The following XYLB variants were observed in gnomAD, a reference collection of about 807,000 sequenced individuals.
XYLB encodes the protein xylulose kinase.
Under a neutral mutation model 78.7 loss-of-function variants are expected in XYLB, and 62 were observed. That is an observed-to-expected ratio of 0.79 (90% CI 0.64 to 0.97). The LOEUF (loss-of-function observed/expected upper bound fraction) is 0.97, where lower values mean the gene tolerates loss of function less well. Among genes scored for constraint, XYLB ranks in the 50% least tolerant of loss-of-function variants. The pLI is 0.00. For synonymous variants in XYLB, 245 were observed against 247.4 expected (o/e 0.99, Z 0.09); for missense variants, 687 against 676.8 (o/e 1.02, Z -0.17).
At chr3:38,382,827 G>T (rs1470761585) in intron 15 of XYLB, among the ~76,000 whole-genome samples, 1 of 152,344 alleles carries the variant, frequency 6.6e-6, no homozygotes, top group East Asian at 1.9e-4. Context: ...GGCATTTCTT[G>T]TGCAAAACAG....
intron 15 of XYLB, among the ~76,000 whole-genome samples, chr3:38,387,407 G>A (rs1234485311): frequency 1.3e-5 from 2 of 151,162 alleles, no homozygotes; most frequent in Non-Finnish European, 2.9e-5. Flanking sequence ...GTCTTGCTCT[G>A]TTGCCCAGGC....
chr3:38,428,572 T>G, the XYLB span, among the ~76,000 whole-genome samples: 3 of 152,238 alleles, frequency 2.0e-5, no homozygotes, highest in African/African-American at 7.2e-5. Flanking sequence ...AATGTTCCTC[T>G]TTTTCCCTGT....
chr3:38,360,358 G>A lies in XYLB; in HGVS notation c.160G>A (p.Val54Met). The A allele has an allele frequency of 6.2e-7, 1 of 1,613,908 alleles. No individual in the cohort carries two copies. Among genetic ancestry groups the A allele is most frequent in the Non-Finnish European group, 8.5e-7 (1 of 1,179,892 alleles). The change falls in exon 3 of 19, where the codon GTG (valine) becomes ATG (methionine). Residue 54 changes from valine to methionine, a missense_variant. Val to Met is a conservative substitution (Grantham distance 21). Coordinates refer to ENST00000207870, the MANE Select transcript of XYLB (RefSeq NM_005108.4). ...TTGCAGGACTCAGGGTGGTGTTCAT[G>A]TGCACAAGGATGGGCTGACGGTCAC... Reference protein sequence around the residue: ...PEFGTQGGVHVHKDGLTVTSP... With the variant: ...PEFGTQGGVHMHKDGLTVTSP...
Position 38,376,196 on chromosome 3 carries a change from C to T in XYLB, c.1084C>T (p.Leu362=), listed in dbSNP as rs1421750603. 6.2e-7 allele frequency: 1 copy of T among 1,614,036 alleles called. No individual in the cohort carries two copies. The highest frequency in any genetic ancestry group is 8.5e-7 in the Non-Finnish European group (1 of 1,179,882). Residue 362 remains leucine, a synonymous_variant, in exon 13 of 19, where the codon CTG becomes TTG. Transcript: ENST00000207870. ...SRSWSDFSKA[L]QSTEMGNGGN... Reference sequence around the variant, plus strand: ...TTCCTGGAGCGATTTCTCTAAGGCACTGCAGTCCACAGAGATGGGCAACGG... The same window carrying T: ...TTCCTGGAGCGATTTCTCTAAGGCATTGCAGTCCACAGAGATGGGCAACGG...
chr3:38,405,422 AC>A, intron 18 of XYLB, among the ~76,000 whole-genome samples: 1 of 151,648 alleles, frequency 6.6e-6, no homozygotes, highest in East Asian at 1.9e-4. Context: ...CCAAATAGGA[AC>A]AGCTCGGGTC....
chr3:38,395,387 T>A, intron 15 of XYLB, 118 bp from the exon 16 acceptor site: 1 of 849,434 alleles, frequency 1.2e-6, no homozygotes, highest in Non-Finnish European at 2.0e-6. Context: ...TCCTGTGTGA[T>A]AAGTGGGAGG....
chr3:38,448,454 T>C, the XYLB span, among the ~76,000 whole-genome samples: 1 of 152,224 alleles, frequency 6.6e-6, no homozygotes, highest in Non-Finnish European at 1.5e-5. Context: ...CAAAAATACC[T>C]GTAAAAATCA....
Position 38,374,509 on chromosome 3 carries a change from C to T in XYLB, c.888+7C>T, listed in dbSNP as rs202131228. ...GGAGGAAGGTGACATTGCGGTAAGG[C>T]GACTTCCCACACCCATAGGCTCTTT... On this transcript the variant is annotated splice_region_variant and intron_variant, in intron 11 of 18. Transcript: ENST00000207870. 2.6e-5 allele frequency: 42 copies of T among 1,613,878 alleles called. No individual in the cohort carries two copies. The highest frequency in any genetic ancestry group is 3.3e-4 in the Middle Eastern group (2 of 6,060).
In XYLB at chr3:38,400,915, C is replaced by T. The variant is rs778631421; in HGVS notation, c.1463C>T (p.Pro488Leu). 5.6e-6 allele frequency: 9 copies of T among 1,614,048 alleles called. No individual in the cohort carries two copies. The South Asian group carries it at 8.8e-5, about 16-fold the overall frequency. Residue 488 changes from proline to leucine, a missense_variant, in exon 18 of 19, where the codon CCC becomes CTC. Physicochemically the swap from Pro to Leu is moderately conservative, Grantham distance 98 (BLOSUM62 -3). Transcript: ENST00000207870. ...GGTCTTGCAGGTGGAACAGATGTGC[C>T]CTTTTCAGAGGTTGTGAAGTTAGCT... The part of the protein sequence containing the change: ...FHGLAGGTDV[P>L]FSEVVKLAPN...
At chr3:38,423,371 C>T (rs1489442644), downstream of XYLB, among the ~76,000 whole-genome samples, 1 of 152,148 alleles carries the variant, frequency 6.6e-6, no homozygotes, top group Admixed American at 6.5e-5. Context: ...CATGCCCAGC[C>T]CTCCAGTCTT....
At chr3:38,371,984 C>T (rs761597224) in intron 9 of XYLB, among the ~76,000 whole-genome samples, 84 of 152,258 alleles carry the variant, frequency 5.5e-4, no homozygotes, top group Middle Eastern at 3.4e-3. Context: ...TTGCCTTGTG[C>T]GAGAACACAT....
chr3:38,432,171 G>A, the XYLB span, among the ~76,000 whole-genome samples: 52 of 152,264 alleles, frequency 3.4e-4, 1 homozygote, highest in African/African-American at 1.2e-3. Context: ...AGCAGTCCCC[G>A]AAAGTCTGAA....
chr3:38,406,570 T>C (rs1245979435), intron 18 of XYLB, among the ~76,000 whole-genome samples: 3 of 152,100 alleles, frequency 2.0e-5, no homozygotes, highest in Non-Finnish European at 4.4e-5. Context: ...AGGCTTCAGA[T>C]GATCAAACTA....
At chr3:38,442,641 C>T in the XYLB span, among the ~76,000 whole-genome samples, 1 of 150,966 alleles carries the variant, frequency 6.6e-6, no homozygotes, top group Admixed American at 6.6e-5. Context: ...CTTATTAATG[C>T]GTCTAAGATC....
the XYLB span, among the ~76,000 whole-genome samples, chr3:38,429,476 AT>A: frequency 6.6e-6 from 1 of 152,100 alleles, no homozygotes; most frequent in African/African-American, 2.4e-5. Flanking sequence ...AACAACAGAC[AT>A]TTATTTCCTC....
downstream of XYLB, chr3:38,415,033 T>C (rs1214513904): frequency 6.6e-6 from 1 of 152,196 alleles, no homozygotes; most frequent in Non-Finnish European, 1.5e-5. Context: ...TTACTTAGAA[T>C]ATTGAACCAG....
chr3:38,405,599 G>C (rs1007536472), intron 18 of XYLB, among the ~76,000 whole-genome samples: 2 of 152,244 alleles, frequency 1.3e-5, no homozygotes, highest in African/African-American at 4.8e-5. Context: ...CACTCGAGAA[G>C]TGCAAGGGGT....
At chr3:38,350,831 C>T (rs58373040) in intron 2 of XYLB, among the ~76,000 whole-genome samples, 1,700 of 151,842 alleles carry the variant, frequency 0.011, 18 homozygotes, top group Middle Eastern at 0.041. Flanking sequence ...ACTTCTTTGA[C>T]TCATGGGTTA....
At chr3:38,398,900 C>T (rs1480511611) in intron 17 of XYLB, among the ~76,000 whole-genome samples, 7 of 151,138 alleles carry the variant, frequency 4.6e-5, no homozygotes, top group African/African-American at 1.5e-4. Context: ...GGCATGGTGG[C>T]GCACGCCTGT....
Sources: gnomAD v4.1 joint callset for allele counts (sites outside exome capture counted in the v4.1 genomes callset) on GRCh38, gnomAD v4.1.1 for gene constraint, MANE v1.5 for transcripts, NCBI Gene and HGNC (gene_info 2026-07-23, HGNC 2026-07-21) for gene names.